SEPTIN9: variants seen among roughly 807,000 people sequenced by gnomAD.
SEPTIN9 encodes septin 9, also known as septin-9.
A neutral mutation model predicts 56.6 loss-of-function variants in SEPTIN9; 13 were observed. The observed-to-expected ratio is 0.23, with a 90% CI of 0.15 to 0.37. The LOEUF is 0.37. SEPTIN9 is among the 10% of genes least tolerant of loss of function. The pLI, the probability that SEPTIN9 is intolerant of heterozygous loss-of-function variation, is 1.00. For missense variants in SEPTIN9, 650 were observed against 823.1 expected, an observed-to-expected ratio of 0.79 and a Z score of 2.57; for synonymous variants, 332 against 334.1, an observed-to-expected ratio of 0.99 and a Z score of 0.07.
At position 77,372,073 on chromosome 17, in the gene SEPTIN9, C is replaced by CGGCCACACAT. The variant is rs375795271; in HGVS notation, c.77-29985_77-29976dup. Among the ~76,000 whole-genome samples, 422 of 152,240 alleles carry CGGCCACACAT rather than the reference C, an allele frequency of 2.8e-3. 1 individual carries two copies. The highest frequency in any genetic ancestry group is 9.6e-3 in the African/African-American group (399 of 41,540). ...CCAGGATGAGCTGTCAGGCGCTCCCCGGCCACACATTCAAGGGACCGGAGT... is the reference window on the plus strand; with the variant it reads ...CCAGGATGAGCTGTCAGGCGCTCCCCGGCCACACATGGCCACACATTCAAGGGACCGGAGT... On this transcript the variant is annotated intron_variant, in intron 2 of 11. Coordinates refer to ENST00000427177, the MANE Select transcript of SEPTIN9 (RefSeq NM_001113491.2).
At chr17:77,460,157 G>A (rs886337186) in intron 3 of SEPTIN9, among the ~76,000 whole-genome samples, 1 of 149,118 alleles carries the variant, frequency 6.7e-6, no homozygotes, top group East Asian at 2.0e-4. Flanking sequence ...CATATCACAC[G>A]TGACCTCTCT....
chr17:77,477,158 T>C (rs1390539193), intron 3 of SEPTIN9, among the ~76,000 whole-genome samples: 3 of 146,176 alleles, frequency 2.1e-5, no homozygotes, highest in Non-Finnish European at 4.5e-5. Flanking sequence ...TCTCCCGTCC[T>C]CATGGGGATA....
chr17:77,286,167 C>T (rs2031268693), intron 1 of SEPTIN9: 1 of 152,312 alleles, frequency 6.6e-6, no homozygotes, highest in Non-Finnish European at 1.5e-5. Context: ...CCGCCGAGGC[C>T]CCTCAGTTGT....
At chr17:77,320,359 AGC>A in intron 2 of SEPTIN9, 1 of 1,611,156 alleles carries the variant, frequency 6.2e-7, no homozygotes, top group East Asian at 2.2e-5. Context: ...GTACGCAGAC[AGC>A]CCCCTCCCCA....
chr17:77,484,090 C>T (rs2039566944), intron 4 of SEPTIN9: 1 of 152,310 alleles, frequency 6.6e-6, no homozygotes. Flanking sequence ...TGGGATCATC[C>T]CATAAAGTGA....
chr17:77,447,816 G>A (rs979424861), intron 3 of SEPTIN9, among the ~76,000 whole-genome samples: 1 of 152,188 alleles, frequency 6.6e-6, no homozygotes, highest in African/African-American at 2.4e-5. Flanking sequence ...GTAGTGACTG[G>A]GTTTCACCAT....
Position 77,433,637 on chromosome 17 carries a change from C to T in SEPTIN9, c.721+30934C>T, listed in dbSNP as rs1214858032. ...GCCAGAGGGGTGGGGCTGGAGCGGGCGTCTGACCTGTGGCTGGATCTAGCT... is the reference window on the plus strand; with the variant it reads ...GCCAGAGGGGTGGGGCTGGAGCGGGTGTCTGACCTGTGGCTGGATCTAGCT... On this transcript the variant is annotated intron_variant, in intron 3 of 11. Transcript: ENST00000427177. The surrounding 1 kb of genome is among the most constrained non-coding windows in gnomAD (Gnocchi z 6.4). Among the ~76,000 whole-genome samples, 1 of 152,134 alleles carries T rather than the reference C, an allele frequency of 6.6e-6. No individual in the cohort carries two copies. The highest frequency in any genetic ancestry group is 1.5e-5 in the Non-Finnish European group (1 of 68,024).
In SEPTIN9 at chr17:77,498,747, A is replaced by G; in HGVS notation, c.*89A>G. On this transcript the variant is annotated 3_prime_UTR_variant, in exon 12 of 12. Coordinates refer to ENST00000427177, the MANE Select transcript of SEPTIN9 (RefSeq NM_001113491.2). ...CCACCACCCCATTTTATTTTATATG[A>G]TTTTCTCCATTTGTCATCGTTCCCC... The G allele has an allele frequency of 2.9e-6, 2 of 686,988 alleles. No individual in the cohort carries two copies. The highest frequency in any genetic ancestry group is 4.7e-6 in the Non-Finnish European group (2 of 427,370). 42.6% of individuals were successfully genotyped at this position (686,988 alleles called of 1,614,324 possible).
chr17:77,306,349 C>A (rs138117661), intron 1 of SEPTIN9, among the ~76,000 whole-genome samples: 1 of 152,176 alleles, frequency 6.6e-6, no homozygotes, highest in Non-Finnish European at 1.5e-5. Flanking sequence ...CCCAGAGTGC[C>A]GTGCTCTACA....
chr17:77,378,970 C>T (rs931263182), intron 2 of SEPTIN9, among the ~76,000 whole-genome samples: 32 of 152,168 alleles, frequency 2.1e-4, no homozygotes, highest in African/African-American at 7.0e-4. Context: ...TGGCAGCCTG[C>T]GTTCGGCTCT....
chr17:77,292,264 T>C (rs925522646), intron 1 of SEPTIN9, among the ~76,000 whole-genome samples: 1 of 152,212 alleles, frequency 6.6e-6, no homozygotes, highest in Non-Finnish European at 1.5e-5. Flanking sequence ...TCCTCTTGCC[T>C]CAGTCTTCCT....
At chr17:77,373,375 G>T (rs1480306108) in intron 2 of SEPTIN9, 2 of 1,211,130 alleles carry the variant, frequency 1.7e-6, no homozygotes, top group Admixed American at 4.5e-5. Flanking sequence ...GGGCTCCTCC[G>T]GCGGCTAGCT....
At position 77,475,944 on chromosome 17, in the gene SEPTIN9, C is replaced by T; in HGVS notation, c.722-6200C>T. On this transcript the variant is annotated intron_variant, in intron 3 of 11. Coordinates refer to ENST00000427177, the MANE Select transcript of SEPTIN9 (RefSeq NM_001113491.2). The surrounding 1 kb of genome is among the most constrained non-coding windows in gnomAD (Gnocchi z 4.6). ...GCCATTTCGGTCCGTGCTCTGAGAG[C>T]CAGGTGTGGGTTGGGTTTGGGGAAG... The T allele has an allele frequency of 6.3e-7, 1 of 1,579,252 alleles. No homozygotes were observed. The highest frequency in any genetic ancestry group is 8.6e-7 in the Non-Finnish European group (1 of 1,158,768).
chr17:77,294,700 T>C (rs2031726185), intron 1 of SEPTIN9: 2 of 152,920 alleles, frequency 1.3e-5, no homozygotes, highest in Non-Finnish European at 2.9e-5. Context: ...ACTTTTCTGT[T>C]TTGACTCCAC....
At position 77,451,560 on chromosome 17, in the gene SEPTIN9, T is replaced by C; in HGVS notation, c.722-30584T>C. The C allele has an allele frequency of 1.0e-6, 1 of 985,198 alleles. No homozygotes were observed. Among genetic ancestry groups the C allele is most frequent in the Non-Finnish European group, 1.2e-6 (1 of 829,708 alleles). The allele number at this position is 985,198 out of a possible 1,614,324, so 61.0% of individuals were successfully genotyped here. A position where few individuals can be genotyped will look rare whatever the true frequency, so the allele number is the denominator to read the frequency against. On this transcript the variant is annotated intron_variant, in intron 3 of 11. Transcript: ENST00000427177. This position sits in a 1 kb window ranked among gnomAD's most constrained non-coding sequence, Gnocchi z 4.2. ...CCTGCTCCTTTGTTCTTCCCAGCCT[T>C]GCACCACTGGCTCGGGGGCTCTCAG...
intron 1 of SEPTIN9, chr17:77,294,782 C>T (rs2031728878): frequency 6.6e-6 from 1 of 152,380 alleles, no homozygotes; most frequent in Non-Finnish European, 1.5e-5. Flanking sequence ...AGATTTGCTT[C>T]TGGACCCGTG....
At chr17:77,458,409 A>G (rs2144476414) in intron 3 of SEPTIN9, among the ~76,000 whole-genome samples, 1 of 152,348 alleles carries the variant, frequency 6.6e-6, no homozygotes, top group East Asian at 1.9e-4. Flanking sequence ...CACTGGCTCC[A>G]GGCTCTAAAA....
chr17:77,491,870 GTCTGAGGCCCC>G (rs2040045891), intron 8 of SEPTIN9, among the ~76,000 whole-genome samples: 1 of 148,788 alleles, frequency 6.7e-6, no homozygotes, highest in African/African-American at 2.5e-5. Flanking sequence ...CTCCGCCACC[GTCTGAGGCCCC>G]TGCTGTGGGA....
Position 77,354,308 on chromosome 17 carries a change from T to G in SEPTIN9, c.76+47111T>G, listed in dbSNP as rs1210318613. ...AAGGGACTTGCCCAAGGTCTGTCTC[T>G]ACCTTACACGCACATGAACGCTCAC... On this transcript the variant is annotated intron_variant, in intron 2 of 11. Coordinates refer to ENST00000427177, the MANE Select transcript of SEPTIN9 (RefSeq NM_001113491.2). Among the ~76,000 whole-genome samples the G allele has an allele frequency of 9.8e-5, 15 of 152,314 alleles. No homozygotes were observed. The South Asian group carries it at 2.1e-3, about 21-fold the overall frequency.
Sources: gnomAD v4.1 joint callset for allele counts (sites outside exome capture counted in the v4.1 genomes callset) on GRCh38, gnomAD v4.1.1 for gene constraint, Gnocchi (gnomAD v3.1) non-coding constraint, MANE v1.5 for transcripts, NCBI Gene and HGNC (gene_info 2026-07-23, HGNC 2026-07-21) for gene names.